Variants in ARFGEF2 observed in about 807,000 individuals in gnomAD.
ARFGEF2 encodes the protein brefeldin A-inhibited guanine nucleotide-exchange protein 2.
ARFGEF2 carries 74 observed loss-of-function variants against 219.9 expected under a neutral mutation model. That is an observed-to-expected ratio of 0.34 (90% CI 0.28 to 0.41). The LOEUF (loss-of-function observed/expected upper bound fraction) is 0.41, where lower values mean the gene tolerates loss of function less well. ARFGEF2 is among the 10% of genes least tolerant of loss of function. The probability of loss-of-function intolerance (pLI) is 1.00; values close to 1 mark genes in which losing one functional copy is unlikely to be tolerated. For synonymous variants in ARFGEF2, 733 were observed against 799.2 expected (o/e 0.92, Z 1.40); for missense variants, 1,743 against 2,218.3 (o/e 0.79, Z 4.30).
chr20:49,011,049 A>C (rs763076521), intron 27 of ARFGEF2, among the ~76,000 whole-genome samples: 1 of 152,178 alleles, frequency 6.6e-6, no homozygotes, highest in Non-Finnish European at 1.5e-5. Flanking sequence ...CATAGTGCTG[A>C]ATGCTGGGTA....
At chr20:48,942,014 A>G (rs767356852) in intron 3 of ARFGEF2, 27 bp downstream of exon 3, 6 of 1,613,684 alleles carry the variant, frequency 3.7e-6, no homozygotes, top group Non-Finnish European at 5.1e-6. Context: ...TCGTGTTGTC[A>G]AGGGGGTTCT....
At chr20:48,944,710 C>A (rs1299140427) in intron 3 of ARFGEF2, among the ~76,000 whole-genome samples, 3 of 152,130 alleles carry the variant, frequency 2.0e-5, no homozygotes, top group Non-Finnish European at 4.4e-5. Context: ...AAGTGATCCT[C>A]CCGCCTAGGC....
intron 9 of ARFGEF2, among the ~76,000 whole-genome samples, chr20:48,970,306 A>G (rs1192668506): frequency 1.3e-5 from 2 of 148,716 alleles, no homozygotes; most frequent in African/African-American, 2.5e-5. Flanking sequence ...CAGAGCAACA[A>G]TAAATTTTAA....
chr20:49,018,976 C>G lies in ARFGEF2; in HGVS notation c.4602C>G (p.Ser1534Arg). ...AGCTCTCTAACCCAACAGATGACAG[C>G]TGGAAGGGTAGACCATACGCAAGTA... ...QSQLSNPTDD[S>R]WKGRPYANQK... is the part of the protein sequence containing the mutation. Residue 1534 changes from serine to arginine, a missense_variant, in exon 34 of 39, where the codon AGC (serine) becomes AGG (arginine). Ser to Arg is a moderately radical substitution (Grantham distance 110). Around this residue, in one of 5 missense-constraint regions of ARFGEF2, gnomAD observed 578 missense variants for 664.0 expected, o/e 0.87. Transcript: ENST00000371917. The G allele has an allele frequency of 6.2e-6, 10 of 1,613,904 alleles. No homozygotes were observed. The highest frequency in any genetic ancestry group is 8.5e-6 in the Non-Finnish European group (10 of 1,179,822).
In ARFGEF2 at chr20:49,016,384, A is replaced by G; in HGVS notation, c.4284A>G (p.Val1428=). Residue 1428 remains valine (V), a synonymous_variant, in exon 31 of 39, where the codon GTA becomes GTG. Transcript: ENST00000371917. ...EALNEVLLSD[V]FAQLQWCVKQ... ...TGAATGAAGTTCTTCTTTCTGATGT[A>G]TTTGCACAATTGCAGTGGTGTGTCA... 2 of 1,613,616 alleles carry G rather than the reference A, an allele frequency of 1.2e-6. No homozygotes were observed. Among genetic ancestry groups the G allele is most frequent in the East Asian group, 2.2e-5 (1 of 44,842 alleles).
chr20:48,984,675 C>T, intron 14 of ARFGEF2, 54 bp from the exon 15 acceptor site: 2 of 1,606,740 alleles, frequency 1.2e-6, no homozygotes, highest in Middle Eastern at 1.7e-4. Context: ...CCAGCTTTTG[C>T]TATCCTCCAG....
chr20:48,942,478 T>G (rs1187066942), intron 3 of ARFGEF2, among the ~76,000 whole-genome samples: 3 of 136,108 alleles, frequency 2.2e-5, no homozygotes, highest in African/African-American at 5.7e-5. Context: ...ACTTGGTTTT[T>G]TTTTTTTTTT....
chr20:48,930,590 T>C (rs1197191771), intron 1 of ARFGEF2, among the ~76,000 whole-genome samples: 1 of 152,138 alleles, frequency 6.6e-6, no homozygotes, highest in Non-Finnish European at 1.5e-5. Context: ...TTTTTTAAGA[T>C]GGGAATGTGG....
At chr20:48,925,423 A>G (rs1266616605) in intron 1 of ARFGEF2, among the ~76,000 whole-genome samples, 1 of 152,156 alleles carries the variant, frequency 6.6e-6, no homozygotes, top group East Asian at 1.9e-4. Context: ...TCCCTTTTAT[A>G]ATTGTCTTAT....
chr20:49,028,414 T>G, intron 36 of ARFGEF2, 116 bp from the exon 37 acceptor site: 1 of 1,182,194 alleles, frequency 8.5e-7, no homozygotes, highest in African/African-American at 1.5e-5. Flanking sequence ...AGCAAGACTA[T>G]CTCAAGAAAA....
chr20:49,023,137 G>A lies in ARFGEF2; in HGVS notation c.4711G>A (p.Ala1571Thr), dbSNP rs2091576126. 1.9e-6 allele frequency: 3 copies of A among 1,614,044 alleles called. No individual in the cohort carries two copies. Among genetic ancestry groups the A allele is most frequent in the Non-Finnish European group, 2.5e-6 (3 of 1,180,030 alleles). The change falls in exon 35 of 39, where the codon GCG becomes ACG. Residue 1571 changes from alanine to threonine, a missense_variant. Physicochemically the swap from Ala to Thr is moderately conservative, Grantham distance 58. Around this residue, in one of 5 missense-constraint regions of ARFGEF2, gnomAD observed 578 missense variants for 664.0 expected, o/e 0.87. Transcript: ENST00000371917. The stretch of plus-strand genomic sequence containing the variant: ...CATTGACAACATTGTGTTCTACCCT[G>A]CGACGAGCAAAAAGGAGGATGCAGA... Reference protein sequence around the residue: ...QTIDNIVFYPATSKKEDAEHM... With the variant: ...QTIDNIVFYPTTSKKEDAEHM...
At chr20:48,975,800 C>CAAAAAAAAAAAAAAAAAAAAAA (rs1057511883) in intron 13 of ARFGEF2, among the ~76,000 whole-genome samples, 5 of 112,206 alleles carry the variant, frequency 4.5e-5, no homozygotes, top group Admixed American at 9.7e-5. Flanking sequence ...GACTCCATCT[C>CAAAAAAAAAAAAAAAAAAAAAA]AAAAAAAAAA....
At position 49,017,377 on chromosome 20, in the gene ARFGEF2, A is replaced by G; in HGVS notation, c.4444A>G (p.Ile1482Val). The G allele has an allele frequency of 6.2e-7, 1 of 1,614,044 alleles. No homozygotes were observed. The highest frequency in any genetic ancestry group is 8.5e-7 in the Non-Finnish European group (1 of 1,179,990). ...NCMLDIFKTT[I>V]PHVLLTWRPV... The stretch of plus-strand genomic sequence containing the variant: ...TATGTTGGATATTTTCAAAACAACC[A>G]TCCCACATGTGTAAGTGTTCATGCA... The change falls in exon 32 of 39, where the codon ATC becomes GTC. Residue 1482 changes from isoleucine to valine, a missense_variant. Ile to Val is a conservative substitution (Grantham distance 29). Coordinates refer to ENST00000371917, the MANE Select transcript of ARFGEF2 (RefSeq NM_006420.3).
In ARFGEF2 at chr20:49,035,752, C is replaced by T. The variant is rs887385702; in HGVS notation, c.*2553C>T. ...TCTCTAGAGAAGTTTTTATTTGTTA[C>T]AATACTGCTGCTTTGAGCAATTTTG... On this transcript the variant is annotated 3_prime_UTR_variant, in exon 39 of 39. Coordinates refer to ENST00000371917, the MANE Select transcript of ARFGEF2 (RefSeq NM_006420.3). The T allele has an allele frequency of 1.3e-5, 2 of 152,888 alleles. No homozygotes were observed. Among genetic ancestry groups the T allele is most frequent in the African/African-American group, 4.8e-5 (2 of 41,354 alleles). 9.5% of individuals were successfully genotyped at this position (152,888 alleles called of 1,614,324 possible). A position where few individuals can be genotyped will look rare whatever the true frequency, so the allele number is the denominator to read the frequency against.
At chr20:48,981,322 G>A (rs2091294332) in intron 14 of ARFGEF2, among the ~76,000 whole-genome samples, 1 of 152,192 alleles carries the variant, frequency 6.6e-6, no homozygotes, top group South Asian at 2.1e-4. Flanking sequence ...ACTCTCTTCT[G>A]GCTTGTAGAG....
In ARFGEF2 at chr20:49,028,551, C is replaced by T. The variant is rs1211906897; in HGVS notation, c.4946C>T (p.Pro1649Leu). ...WRAGFKGKSKPNLLKQETSSL... is the reference protein window; with the variant it reads ...WRAGFKGKSKLNLLKQETSSL... ...CTAGGTTTTAAGGGCAAGTCTAAAC[C>T]CAATCTTCTAAAACAAGAAACCAGC... The change falls in exon 37 of 39, where the codon CCC becomes CTC. Residue 1649 changes from proline (P) to leucine (L), a missense_variant. This residue lies in a region of ARFGEF2 where 578 missense variants were observed against 664.0 expected (regional missense o/e 0.87). Coordinates refer to ENST00000371917, the MANE Select transcript of ARFGEF2 (RefSeq NM_006420.3). The T allele has an allele frequency of 3.1e-6, 5 of 1,613,976 alleles. No individual in the cohort carries two copies. Among genetic ancestry groups the T allele is most frequent in the Non-Finnish European group, 8.5e-7 (1 of 1,180,018 alleles).
intron 14 of ARFGEF2, among the ~76,000 whole-genome samples, chr20:48,980,325 G>T (rs2091287405): frequency 6.6e-6 from 1 of 152,220 alleles, no homozygotes; most frequent in Non-Finnish European, 1.5e-5. Context: ...GTTCTAATTT[G>T]ATTGCACTGT....
intron 34 of ARFGEF2, among the ~76,000 whole-genome samples, chr20:49,022,028 A>T (rs1480455607): frequency 6.6e-6 from 1 of 151,108 alleles, no homozygotes; most frequent in Non-Finnish European, 1.5e-5. Context: ...CACACCTGTA[A>T]TCCCAGCTAC....
intron 25 of ARFGEF2, among the ~76,000 whole-genome samples, chr20:49,002,655 A>G (rs2091432065): frequency 6.6e-6 from 1 of 152,192 alleles, no homozygotes; most frequent in Non-Finnish European, 1.5e-5. Context: ...CTTATTGCCC[A>G]GGCTGGAGTG....
Sources: allele counts gnomAD v4.1 joint callset (sites outside exome capture counted in the v4.1 genomes callset), GRCh38; gene constraint gnomAD v4.1.1; regional missense constraint gnomAD v4.1.1; transcripts MANE v1.5; gene names NCBI Gene and HGNC (gene_info 2026-07-23, HGNC 2026-07-21).